KIDINS220: variants seen among roughly 807,000 people sequenced by gnomAD.
KIDINS220 encodes the protein kinase D-interacting substrate of 220 kDa.
Under a neutral mutation model 157.6 loss-of-function variants are expected in KIDINS220, and 63 were observed. The ratio of observed to expected loss-of-function variants is 0.40; its 90% CI spans 0.33 to 0.49. The LOEUF (loss-of-function observed/expected upper bound fraction) is 0.49. KIDINS220 is among the 20% of genes least tolerant of loss of function. The pLI, the probability that KIDINS220 is intolerant of heterozygous loss-of-function variation, is 0.66. For synonymous variants in KIDINS220, 732 were observed against 783.6 expected (o/e 0.93, Z 1.10); for missense variants, 1,772 against 2,171.2 (o/e 0.82, Z 3.65).
intron 22 of KIDINS220, chr2:8,757,419 GCTTTAAC>G (rs1227628146): frequency 8.0e-7 from 1 of 1,247,612 alleles, no homozygotes; most frequent in Non-Finnish European, 1.0e-6. Flanking sequence ...CAGTCTTACA[GCTTTAAC>G]CTTTAGTCAT....
rs569669856 is a variant in KIDINS220, at chr2:8,736,993, C to T, written c.3592G>A (p.Gly1198Ser). The T allele has an allele frequency of 6.2e-7, 1 of 1,614,092 alleles. No homozygotes were observed. The highest frequency in any genetic ancestry group is 2.2e-5 in the East Asian group (1 of 44,870). ...SSPTDSSRGS[G>S]PAPGPVVLLN... ...AATACCACTGGGCCTGGGGCTGGGC[C>T]TGACCCCTAGAGAAGTCAAGGAAAA... is the stretch of plus-strand genomic sequence containing the variant. The change falls in exon 27 of 30, where the codon GGC becomes AGC. Residue 1198 changes from glycine (G) to serine (S), a missense_variant. Around this residue, in one of 3 missense-constraint regions of KIDINS220, gnomAD observed 793 missense variants for 885.5 expected, o/e 0.90. Transcript: ENST00000256707.
intron 18 of KIDINS220, 91 bp from the exon 19 acceptor site, chr2:8,779,230 G>C (rs988816285): frequency 3.3e-4 from 487 of 1,458,418 alleles, no homozygotes; most frequent in Admixed American, 6.7e-4. Flanking sequence ...ACCTTTTGGT[G>C]ACAATATTTC....
rs189181770 is a variant in KIDINS220, at chr2:8,788,433, C to T, written c.1787+214G>A. Among the ~76,000 whole-genome samples the T allele has an allele frequency of 2.5e-3, 385 of 152,158 alleles. 2 individuals are homozygous for T. The highest frequency in any genetic ancestry group is 6.8e-3 in the Middle Eastern group (2 of 294). On this transcript the variant is annotated intron_variant, in intron 15 of 29. Transcript: ENST00000256707. ...ACAGGCATGCGCCATGACGCCCCCGCTAATTTTGTATTTTTAGTAGAGATG... is the reference window on the plus strand; with the variant it reads ...ACAGGCATGCGCCATGACGCCCCCGTTAATTTTGTATTTTTAGTAGAGATG...
chr2:8,746,155 T>C (rs1049057504), intron 26 of KIDINS220, among the ~76,000 whole-genome samples: 7 of 150,862 alleles, frequency 4.6e-5, no homozygotes, highest in Non-Finnish European at 1.0e-4. Context: ...GAGGCTGGAG[T>C]GCAGCGGTGC....
chr2:8,745,836 T>G (rs1666467269), intron 26 of KIDINS220, among the ~76,000 whole-genome samples: 1 of 152,172 alleles, frequency 6.6e-6, no homozygotes, highest in South Asian at 2.1e-4. Context: ...ATGCAAGTTT[T>G]AAGTTAAAAA....
chr2:8,733,813 T>C lies in KIDINS220; in HGVS notation c.3817-133A>G, dbSNP rs373597126. 6 of 613,770 alleles carry C rather than the reference T, an allele frequency of 9.8e-6. No individual in the cohort carries two copies. The African/African-American group carries it at 1.1e-4, about 11-fold the overall frequency. The allele number at this position is 613,770 out of a possible 1,614,324, so 38.0% of individuals were successfully genotyped here. On this transcript the variant is annotated intron_variant, in intron 28 of 29. Transcript: ENST00000256707. ...AAAGCATACTTCTGGTAAGTGAATT[T>C]CTAGTGAATTTGTTTTATACATCAG...
intron 23 of KIDINS220, 108 bp downstream of exon 23, chr2:8,751,358 A>G (rs1667337315): frequency 1.1e-6 from 1 of 874,198 alleles, no homozygotes; most frequent in Non-Finnish European, 1.8e-6. Flanking sequence ...GCTTAGTTCA[A>G]TACCTCTTGG....
intron 9 of KIDINS220, among the ~76,000 whole-genome samples, chr2:8,799,429 G>A (rs1056721610): frequency 6.6e-6 from 1 of 151,788 alleles, no homozygotes; most frequent in Non-Finnish European, 1.5e-5. Context: ...CAGCAACCCG[G>A]CCAGGCTCTT....
rs749381387 is a variant in KIDINS220, at chr2:8,778,669, T to C, written c.2673A>G (p.Lys891=). 1 of 1,613,890 alleles carries C rather than the reference T, an allele frequency of 6.2e-7. No individual in the cohort carries two copies. The part of the protein sequence containing the change: ...VSQNSLGEMT[K]LGSKTALNRR... The stretch of plus-strand genomic sequence containing the variant: ...TATTGAGGGCTGTCTTGCTACCAAG[T>C]TTTGTCATCTCCCCAAGGCTGTTCT... Residue 891 remains lysine, a synonymous_variant, in exon 20 of 30, where the codon AAA becomes AAG. Coordinates refer to ENST00000256707, the MANE Select transcript of KIDINS220 (RefSeq NM_020738.4).
chr2:8,740,088 G>C, intron 26 of KIDINS220: 1 of 690,226 alleles, frequency 1.4e-6, no homozygotes, highest in Non-Finnish European at 1.8e-6. Flanking sequence ...CCAGCATGAA[G>C]TTGCCAATGA....
At chr2:8,726,781 T>A, downstream of KIDINS220, 1 of 466,156 alleles carries the variant, frequency 2.1e-6, no homozygotes, top group Non-Finnish European at 4.0e-6. Flanking sequence ...AAATATAGTA[T>A]TAGAATCTTA....
At chr2:8,727,009 G>A, downstream of KIDINS220, 16 of 1,138,016 alleles carry the variant, frequency 1.4e-5, no homozygotes, top group Non-Finnish European at 1.8e-5. Context: ...TCTCAACCAG[G>A]GATTCTCAAC....
chr2:8,765,997 G>GA (rs1157219459), intron 22 of KIDINS220, among the ~76,000 whole-genome samples: 1 of 151,980 alleles, frequency 6.6e-6, no homozygotes. Flanking sequence ...AAGCTCCCTT[G>GA]AATCAACAGG....
intron 12 of KIDINS220, 115 bp from the exon 13 acceptor site, chr2:8,791,339 C>T (rs947318813): frequency 1.1e-6 from 1 of 882,192 alleles, no homozygotes; most frequent in Non-Finnish European, 1.7e-6. Flanking sequence ...AATGTTTATA[C>T]CCATGTAGGG....
intron 22 of KIDINS220, among the ~76,000 whole-genome samples, chr2:8,767,852 G>A (rs1005674654): frequency 2.6e-5 from 4 of 152,188 alleles, no homozygotes; most frequent in Non-Finnish European, 4.4e-5. Context: ...TCATAAATTA[G>A]ATGTCCATAT....
intron 25 of KIDINS220, 131 bp from the exon 26 acceptor site, chr2:8,747,332 T>C (rs1257905484): frequency 1.6e-5 from 12 of 767,122 alleles, no homozygotes; most frequent in Non-Finnish European, 2.7e-5. Context: ...GCCTCCTGAT[T>C]TATAAAAACA....
intron 21 of KIDINS220, among the ~76,000 whole-genome samples, chr2:8,776,047 G>C (rs1162320834): frequency 6.6e-6 from 1 of 152,118 alleles, no homozygotes; most frequent in African/African-American, 2.4e-5. Context: ...CATAAATACA[G>C]TGAGGCTTGA....
At chr2:8,783,921 A>C (rs1672042069) in intron 17 of KIDINS220, among the ~76,000 whole-genome samples, 3 of 152,282 alleles carry the variant, frequency 2.0e-5, no homozygotes, top group Admixed American at 2.0e-4. Flanking sequence ...TTCAAGGTGA[A>C]TCAAAAGTTC....
At chr2:8,764,285 T>C (rs1245570822) in intron 22 of KIDINS220, among the ~76,000 whole-genome samples, 1 of 152,122 alleles carries the variant, frequency 6.6e-6, no homozygotes, top group Admixed American at 6.5e-5. Context: ...AACTACATAT[T>C]GGGTACAATC....
Sources: gnomAD v4.1 joint callset for allele counts (sites outside exome capture counted in the v4.1 genomes callset) on GRCh38, gnomAD v4.1.1 for gene constraint, gnomAD v4.1.1 regional missense constraint, MANE v1.5 for transcripts, NCBI Gene and HGNC (gene_info 2026-07-23, HGNC 2026-07-21) for gene names.